DAPK1: variants seen among roughly 807,000 people sequenced by gnomAD.
DAPK1 encodes the protein death associated protein kinase 1.
A neutral mutation model predicts 144.9 loss-of-function variants in DAPK1; 56 were observed. The observed-to-expected ratio is 0.39, with a 90% confidence interval of 0.31 to 0.48. DAPK1 has a LOEUF of 0.48. DAPK1 is among the 20% of genes least tolerant of loss of function. The probability of loss-of-function intolerance (pLI) is 0.95; values close to 1 mark genes in which losing one functional copy is unlikely to be tolerated. For synonymous variants in DAPK1, 690 were observed against 749.0 expected, an observed-to-expected ratio of 0.92 and a Z score of 1.29; for missense variants, 1,454 against 1,875.4, an observed-to-expected ratio of 0.78 and a Z score of 4.15.
chr9:87,675,556 C>T (rs1231622225), intron 19 of DAPK1, among the ~76,000 whole-genome samples: 4 of 152,060 alleles, frequency 2.6e-5, no homozygotes, highest in Non-Finnish European at 5.9e-5. Context: ...AGACCTTACC[C>T]AGCGGGTGAG....
chr9:87,679,159 C>T (rs1162592455), intron 19 of DAPK1, among the ~76,000 whole-genome samples: 2 of 152,000 alleles, frequency 1.3e-5, no homozygotes, highest in East Asian at 3.9e-4. Flanking sequence ...GGCGATTCTA[C>T]ACCTGCCAGG....
chr9:87,670,272 TCAAG>T (rs1831210622), intron 19 of DAPK1, among the ~76,000 whole-genome samples: 1 of 151,972 alleles, frequency 6.6e-6, no homozygotes, highest in Non-Finnish European at 1.5e-5. Flanking sequence ...TCACTGTCTT[TCAAG>T]CAGAGGACCA....
chr9:87,588,476 A>G (rs1052247490), intron 2 of DAPK1, among the ~76,000 whole-genome samples: 3 of 147,268 alleles, frequency 2.0e-5, no homozygotes, highest in African/African-American at 8.2e-5. Flanking sequence ...GCATTATTCA[A>G]TTCAGTTTTG....
chr9:87,690,417 A>C (rs1347317325), intron 21 of DAPK1, among the ~76,000 whole-genome samples: 1 of 152,012 alleles, frequency 6.6e-6, no homozygotes, highest in East Asian at 1.9e-4. Context: ...TTTTTGGTGG[A>C]GTCTTTAGGT....
chr9:87,589,363 C>T (rs964789139), intron 2 of DAPK1, among the ~76,000 whole-genome samples: 2 of 152,116 alleles, frequency 1.3e-5, no homozygotes, highest in Non-Finnish European at 2.9e-5. Context: ...GCAAAACCTT[C>T]TTTATTGTGC....
chr9:87,517,250 G>A (rs1013597626), intron 2 of DAPK1, among the ~76,000 whole-genome samples: 7 of 151,942 alleles, frequency 4.6e-5, no homozygotes, highest in Non-Finnish European at 7.4e-5. Flanking sequence ...GCTTTCCTCC[G>A]GGGGTGCAGG....
chr9:87,620,321 C>T (rs2119036560), intron 3 of DAPK1, among the ~76,000 whole-genome samples: 1 of 152,346 alleles, frequency 6.6e-6, no homozygotes, highest in East Asian at 1.9e-4. Flanking sequence ...TTCCCCTTTT[C>T]CATCGCTTCC....
chr9:87,633,187 GTA>G (rs1204209318), intron 3 of DAPK1: 4 of 982,988 alleles, frequency 4.1e-6, no homozygotes, highest in African/African-American at 3.5e-5. Flanking sequence ...AGGGTGATCA[GTA>G]TATATGTAGG....
chr9:87,702,972 T>G (rs1254069307), intron 24 of DAPK1, 57 bp from the exon 25 acceptor site: 1 of 803,964 alleles, frequency 1.2e-6, no homozygotes, highest in African/African-American at 1.7e-5. Flanking sequence ...ACTGTGGCTC[T>G]GCTCAGGGCA....
In DAPK1 at chr9:87,707,843, C is replaced by G; in HGVS notation, c.*479C>G. On this transcript the variant is annotated 3_prime_UTR_variant, in exon 26 of 26. Transcript: ENST00000408954. The surrounding 1 kb of genome is among the most constrained non-coding windows in gnomAD (Gnocchi z 4.0). The stretch of plus-strand genomic sequence containing the variant: ...ATCTCTTTTATATTTGTAGGAGAAA[C>G]TCCCATGTATGGAATCCCACTGTAT... 2.2e-6 allele frequency: 1 copy of G among 456,908 alleles called. No homozygotes were observed. Among genetic ancestry groups the G allele is most frequent in the South Asian group, 1.5e-5 (1 of 64,538 alleles). 28.3% of individuals were successfully genotyped at this position (456,908 alleles called of 1,614,324 possible).
intron 2 of DAPK1, among the ~76,000 whole-genome samples, chr9:87,571,338 GT>G (rs1827322033): frequency 6.6e-6 from 1 of 151,634 alleles, no homozygotes; most frequent in South Asian, 2.1e-4. Flanking sequence ...TCATGGGCTG[GT>G]TTCTCCTGGA....
chr9:87,609,060 T>A (rs115647417), intron 3 of DAPK1, among the ~76,000 whole-genome samples: 280 of 152,320 alleles, frequency 1.8e-3, no homozygotes, highest in African/African-American at 6.4e-3. Flanking sequence ...TCCGTCAATC[T>A]GCGGGAGGCC....
At chr9:87,559,082 T>A (rs79874571) in intron 2 of DAPK1, among the ~76,000 whole-genome samples, 145 of 152,344 alleles carry the variant, frequency 9.5e-4, no homozygotes, top group Non-Finnish European at 1.6e-3. Context: ...AAAATGACAG[T>A]TGGCATTCGT....
Position 87,650,114 on chromosome 9 carries a change from A to C in DAPK1, c.1622A>C (p.Asp541Ala). Residue 541 changes from aspartate (D) to alanine (A), a missense_variant, in exon 16 of 26, where the codon GAC becomes GCC. Around this residue, in one of 2 missense-constraint regions of DAPK1, gnomAD observed 1,025 missense variants for 1,237.9 expected, o/e 0.83. Transcript: ENST00000408954. Reference sequence around the variant, plus strand: ...CATGGAGCCGACCTTAATGCTTGCGACAAGGTGCCTTATGGGGGAAGACTC... The same window carrying C: ...CATGGAGCCGACCTTAATGCTTGCGCCAAGGTGCCTTATGGGGGAAGACTC... ...AEHGADLNACDKDGHIALHLA... is the reference protein window; with the variant it reads ...AEHGADLNACAKDGHIALHLA... 4 of 1,614,028 alleles carry C rather than the reference A, an allele frequency of 2.5e-6. No individual in the cohort carries two copies. Among genetic ancestry groups the C allele is most frequent in the Non-Finnish European group, 3.4e-6 (4 of 1,180,016 alleles).
intron 1 of DAPK1, among the ~76,000 whole-genome samples, 165 bp downstream of exon 1, chr9:87,498,272 G>C (rs1384710796): frequency 6.6e-6 from 1 of 152,224 alleles, no homozygotes. Flanking sequence ...GCAGCCGGGA[G>C]GCTTCCCCAG....
intron 3 of DAPK1, among the ~76,000 whole-genome samples, chr9:87,629,104 T>C (rs1472930901): frequency 1.3e-5 from 2 of 152,186 alleles, no homozygotes; most frequent in Non-Finnish European, 2.9e-5. Context: ...AAAGAGATCA[T>C]TCTTCTCATT....
At chr9:87,683,097 T>TC (rs1587841995) in intron 20 of DAPK1, among the ~76,000 whole-genome samples, 4 of 151,272 alleles carry the variant, frequency 2.6e-5, no homozygotes, top group East Asian at 1.9e-4. Context: ...TTTTTTTTTT[T>TC]TTTGAGATGG....
chr9:87,549,942 G>GT (rs1198517412), intron 2 of DAPK1, among the ~76,000 whole-genome samples: 1 of 152,090 alleles, frequency 6.6e-6, no homozygotes. Flanking sequence ...TAAGTTGCAG[G>GT]TGTCTGTATA....
intron 20 of DAPK1, among the ~76,000 whole-genome samples, chr9:87,684,016 G>A (rs1824740152): frequency 6.6e-6 from 1 of 152,232 alleles, no homozygotes; most frequent in Non-Finnish European, 1.5e-5. Context: ...AGCTGGACTT[G>A]GAGGTGGATG....
Sources: allele counts gnomAD v4.1 joint callset (sites outside exome capture counted in the v4.1 genomes callset), GRCh38; gene constraint gnomAD v4.1.1; regional missense constraint gnomAD v4.1.1; non-coding constraint Gnocchi (gnomAD v3.1); transcripts MANE v1.5; gene names NCBI Gene and HGNC (gene_info 2026-07-23, HGNC 2026-07-21).